Variants in SPINK1 observed in about 807,000 individuals in gnomAD.
SPINK1 encodes serine peptidase inhibitor Kazal type 1.
Under a neutral mutation model 9.5 loss-of-function variants are expected in SPINK1, and 5 were observed. The ratio of observed to expected loss-of-function variants is 0.52; its 90% CI spans 0.27 to 1.10. The LOEUF is 1.10. SPINK1 is among the 50% of genes least tolerant of loss of function. The pLI, the probability that SPINK1 is intolerant of heterozygous loss-of-function variation, is 0.11. For synonymous variants in SPINK1, 37 were observed against 32.3 expected (o/e 1.14, Z -0.49); for missense variants, 88 against 92.7 (o/e 0.95, Z 0.21).
At chr5:147,832,771 G>C (rs1334442084), upstream of SPINK1, among the ~76,000 whole-genome samples, 1 of 152,096 alleles carries the variant, frequency 6.6e-6, no homozygotes, top group Non-Finnish European at 1.5e-5. Context: ...CCTTCTGCCA[G>C]AAACCATTAT....
At chr5:147,837,891 G>A in the SPINK1 span, among the ~76,000 whole-genome samples, 1 of 151,786 alleles carries the variant, frequency 6.6e-6, no homozygotes, top group Non-Finnish European at 1.5e-5. Flanking sequence ...TAGTGGAGAG[G>A]GGGTTTCACC....
At chr5:147,831,394 A>C in intron 1 of SPINK1, 129 bp downstream of exon 1, 2 of 1,171,400 alleles carry the variant, frequency 1.7e-6, no homozygotes, top group Non-Finnish European at 2.4e-6. Flanking sequence ...TGTTGATTTT[A>C]TTTCATCTCA....
upstream of SPINK1, among the ~76,000 whole-genome samples, chr5:147,832,180 G>A (rs17107319): frequency 2.6e-5 from 4 of 152,138 alleles, no homozygotes; most frequent in South Asian, 2.1e-4. Context: ...TCCCTAAAGC[G>A]TGTATTCTGG....
chr5:147,830,959 T>A (rs188935626), intron 1 of SPINK1, among the ~76,000 whole-genome samples: 1 of 152,200 alleles, frequency 6.6e-6, no homozygotes, highest in Admixed American at 6.5e-5. Context: ...AATTTTTGTA[T>A]TTCCAGATAC....
chr5:147,838,723 G>C, the SPINK1 span, among the ~76,000 whole-genome samples: 1 of 152,074 alleles, frequency 6.6e-6, no homozygotes, highest in African/African-American at 2.4e-5. Flanking sequence ...TTGGTTTAGA[G>C]TCTCCTGGGG....
chr5:147,831,476 C>A, intron 1 of SPINK1, 47 bp downstream of exon 1: 1 of 1,610,176 alleles, frequency 6.2e-7, no homozygotes, highest in South Asian at 1.1e-5. Flanking sequence ...CACAAAGCAA[C>A]AGGTCAAAAC....
At chr5:147,826,311 C>T (rs976379488) in intron 3 of SPINK1, among the ~76,000 whole-genome samples, 4 of 152,158 alleles carry the variant, frequency 2.6e-5, no homozygotes, top group African/African-American at 9.7e-5. Context: ...CAATGTCATA[C>T]ATTAGGAAAT....
chr5:147,836,296 T>TTTTGTGTGTGTGTGTGTG (rs1756593582), upstream of SPINK1, among the ~76,000 whole-genome samples: 1 of 146,546 alleles, frequency 6.8e-6, no homozygotes. Context: ...ATTTACTGAT[T>TTTTGTGTGTGTGTGTGTG]TGTGTGTGTG....
At chr5:147,829,675 A>T (rs1251125909) in intron 1 of SPINK1, 45 bp from the exon 2 acceptor site, 2 of 1,555,774 alleles carry the variant, frequency 1.3e-6, no homozygotes, top group Non-Finnish European at 8.9e-7. Flanking sequence ...AAATGAAAGA[A>T]GTCAGATCTA....
chr5:147,832,584 T>A (rs976315887), upstream of SPINK1, among the ~76,000 whole-genome samples: 1 of 152,090 alleles, frequency 6.6e-6, no homozygotes, highest in Non-Finnish European at 1.5e-5. Flanking sequence ...AGATTTCGGG[T>A]TTTTAAAAGC....
chr5:147,832,439 T>C (rs1756524758), upstream of SPINK1, among the ~76,000 whole-genome samples: 2 of 152,160 alleles, frequency 1.3e-5, no homozygotes, highest in Admixed American at 1.3e-4. Context: ...TTTTTAAGGG[T>C]GTTTATATAA....
At chr5:147,836,623 A>C (rs551852910), upstream of SPINK1, among the ~76,000 whole-genome samples, 186 of 152,314 alleles carry the variant, frequency 1.2e-3, 1 homozygote, top group Non-Finnish European at 2.4e-3. Context: ...ATTTGTGGGC[A>C]TAGTAGACTT....
chr5:147,831,861 C>T (rs1756515460), upstream of SPINK1: 2 of 1,273,004 alleles, frequency 1.6e-6, no homozygotes, highest in Non-Finnish European at 2.0e-6. Context: ...AGTTTGATCC[C>T]TAACTCCCTC....
chr5:147,829,740 C>G (rs1445566446), intron 1 of SPINK1, 110 bp from the exon 2 acceptor site: 1 of 955,622 alleles, frequency 1.0e-6, no homozygotes. Flanking sequence ...TTACTAGGCT[C>G]TTTCATTCCC....
chr5:147,828,160 A>G, intron 2 of SPINK1, 32 bp from the exon 3 acceptor site: 2 of 1,523,522 alleles, frequency 1.3e-6, no homozygotes, highest in Non-Finnish European at 1.8e-6. Flanking sequence ...ATCATTTCCC[A>G]TTATTCTCCA....
chr5:147,826,262 G>A (rs938211848), intron 3 of SPINK1, among the ~76,000 whole-genome samples: 3 of 152,098 alleles, frequency 2.0e-5, no homozygotes, highest in African/African-American at 7.2e-5. Context: ...TTAGTTACTA[G>A]GTAATAAGTT....
Position 147,824,692 on chromosome 5 carries a change from G to C in SPINK1, c.209C>G (p.Ser70Cys). ...AGGCCCAGATTTTTGAATGAGGATAGAAGTCTGGCGTTTCCTGCAGTAGAG... is the reference window on the plus strand; with the variant it reads ...AGGCCCAGATTTTTGAATGAGGATACAAGTCTGGCGTTTCCTGCAGTAGAG... Reference protein sequence around the residue: ...LCFENRKRQTSILIQKSGPC With the variant: ...LCFENRKRQTCILIQKSGPC The change falls in exon 4 of 4, where the codon TCT becomes TGT. Residue 70 changes from serine to cysteine, a missense_variant. Coordinates refer to ENST00000296695, the MANE Select transcript of SPINK1 (RefSeq NM_001379610.1). 1.2e-6 allele frequency: 2 copies of C among 1,614,076 alleles called. No homozygotes were observed. The highest frequency in any genetic ancestry group is 1.7e-6 in the Non-Finnish European group (2 of 1,179,980).
upstream of SPINK1, among the ~76,000 whole-genome samples, chr5:147,836,528 G>A (rs1381232431): frequency 6.6e-6 from 1 of 152,016 alleles, no homozygotes; most frequent in Non-Finnish European, 1.5e-5. Context: ...ACTCCTGGAT[G>A]TCATGACCTT....
chr5:147,834,284 G>T (rs753461868), upstream of SPINK1, among the ~76,000 whole-genome samples: 1 of 152,124 alleles, frequency 6.6e-6, no homozygotes, highest in Non-Finnish European at 1.5e-5. Flanking sequence ...GAAGACCAAG[G>T]TTTATGCCTT....
Sources: allele counts gnomAD v4.1 joint callset (sites outside exome capture counted in the v4.1 genomes callset), GRCh38; gene constraint gnomAD v4.1.1; transcripts MANE v1.5; gene names NCBI Gene and HGNC (gene_info 2026-07-23, HGNC 2026-07-21).